The following LMF1 variants were observed in gnomAD, a reference collection of about 807,000 sequenced individuals.
LMF1 encodes transmembrane protein 112.
LMF1 carries 68 observed loss-of-function variants against 60.6 expected under a neutral mutation model. That is an observed-to-expected ratio of 1.12 (90% CI 0.92 to 1.37). The LOEUF (loss-of-function observed/expected upper bound fraction) is 1.37, where lower values mean the gene tolerates loss of function less well. LMF1 is among the 40% of genes most tolerant of loss of function. The pLI, the probability that LMF1 is intolerant of heterozygous loss-of-function variation, is 0.00. For missense variants in LMF1, 948 were observed against 767.2 expected (o/e 1.24, Z -2.78); for synonymous variants, 418 against 324.7 (o/e 1.29, Z -3.09).
At chr16:902,301 T>C (rs2070836222) in intron 4 of LMF1, 1 of 152,478 alleles carries the variant, frequency 6.6e-6, no homozygotes, top group Non-Finnish European at 1.5e-5. Context: ...TGGCCTGGCA[T>C]TCTCCCTGAC....
chr16:926,140 G>C (rs116658308), intron 3 of LMF1, among the ~76,000 whole-genome samples: 1 of 151,416 alleles, frequency 6.6e-6, no homozygotes, highest in African/African-American at 2.4e-5. Context: ...GTGTGCATGC[G>C]TGCACCTGTG....
intron 3 of LMF1, among the ~76,000 whole-genome samples, chr16:912,985 A>G (rs1323349109): frequency 6.6e-6 from 1 of 152,148 alleles, no homozygotes; most frequent in African/African-American, 2.4e-5. Flanking sequence ...GCCTGAAGCG[A>G]GCCCCAGGCA....
intron 3 of LMF1, chr16:933,519 A>G (rs779164327): frequency 1.3e-4 from 22 of 164,138 alleles, no homozygotes; most frequent in Non-Finnish European, 2.0e-4. Context: ...GCCGAGAGCC[A>G]GAGAGTTCGG....
At chr16:937,173 A>G (rs1190456044) in intron 2 of LMF1, among the ~76,000 whole-genome samples, 3 of 152,196 alleles carry the variant, frequency 2.0e-5, no homozygotes, top group Non-Finnish European at 2.9e-5. Flanking sequence ...GCTGCCTGAT[A>G]AAAGAATCTT....
At chr16:891,097 G>C (rs1026927087) in intron 5 of LMF1, among the ~76,000 whole-genome samples, 1 of 152,248 alleles carries the variant, frequency 6.6e-6, no homozygotes, top group Non-Finnish European at 1.5e-5. Flanking sequence ...ATGGGGGCGG[G>C]AGGGACCCAC....
chr16:886,388 G>C (rs2070307202), intron 5 of LMF1, among the ~76,000 whole-genome samples: 1 of 152,100 alleles, frequency 6.6e-6, no homozygotes, highest in African/African-American at 2.4e-5. Context: ...CCAGGCCCAC[G>C]GAAGGTCGGT....
At chr16:917,360 C>T (rs951749255) in intron 3 of LMF1, among the ~76,000 whole-genome samples, 3 of 105,570 alleles carry the variant, frequency 2.8e-5, no homozygotes, top group Non-Finnish European at 5.4e-5. Flanking sequence ...CGCAGGCCCA[C>T]GTGAAGAAAT....
chr16:955,203 T>C lies in LMF1; in HGVS notation c.194-537A>G, dbSNP rs571378292. Among the ~76,000 whole-genome samples the C allele has an allele frequency of 5.6e-4, 47 of 84,570 alleles. 8 individuals are homozygous for C. The highest frequency in any genetic ancestry group is 2.2e-3 in the African/African-American group (32 of 14,782). 55.5% of individuals were successfully genotyped at this position (84,570 alleles called of 152,430 possible). A position where few individuals can be genotyped will look rare whatever the true frequency, so the allele number is the denominator to read the frequency against. ...TACACACACACACATCTAAGTAAAC[T>C]AGACAAGTTACATAAAAGGCGTGCC... On this transcript the variant is annotated intron_variant, in intron 1 of 10. Transcript: ENST00000262301.
In LMF1 at chr16:911,466, G is replaced by A. The variant is rs908354917; in HGVS notation, c.515-387C>T. 5.3e-5 allele frequency among the ~76,000 whole-genome samples: 8 copies of A among 151,830 alleles called. No homozygotes were observed. The East Asian group carries it at 1.4e-3, about 26-fold the overall frequency. On this transcript the variant is annotated intron_variant, in intron 3 of 10. Coordinates refer to ENST00000262301, the MANE Select transcript of LMF1 (RefSeq NM_022773.4). The stretch of plus-strand genomic sequence containing the variant: ...CTTTTCCCCTCCCATAGGTTTGCAT[G>A]AAAACAGCTTTCACCTTCTTCCCAG...
chr16:892,759 G>A (rs558114068), intron 5 of LMF1, among the ~76,000 whole-genome samples: 24 of 152,180 alleles, frequency 1.6e-4, no homozygotes, highest in Non-Finnish European at 2.4e-4. Context: ...GAGGGTGCCC[G>A]TGCAGGAACC....
intron 2 of LMF1, among the ~76,000 whole-genome samples, chr16:937,493 T>TGACAGGCCGCTGGGGTCTCTGTTGACC (rs2071979685): frequency 6.6e-5 from 10 of 152,002 alleles, no homozygotes; most frequent in Non-Finnish European, 1.0e-4. Flanking sequence ...CTCTGTTGAC[T>TGACAGGCCGCTGGGGTCTCTGTTGACC]GACAGGCTGC....
At chr16:869,172 C>G in intron 9 of LMF1, 116 bp from the exon 10 acceptor site, 1 of 761,422 alleles carries the variant, frequency 1.3e-6, no homozygotes, top group South Asian at 1.4e-5. Flanking sequence ...AGGTGGGTTC[C>G]CTGGGCAGCC....
intron 5 of LMF1, among the ~76,000 whole-genome samples, chr16:888,730 A>G (rs767778219): frequency 3.4e-4 from 18 of 52,250 alleles, no homozygotes; most frequent in Non-Finnish European, 5.4e-4. Flanking sequence ...CCAAGGCCAG[A>G]AGCACTGGGG....
rs1231690394 is a variant in LMF1 at position 878,744 on chromosome 16, GC to G, written c.897+825del. On this transcript the variant is annotated intron_variant, in intron 6 of 10. Transcript: ENST00000262301. The surrounding 1 kb of genome is among the most constrained non-coding windows in gnomAD (Gnocchi z 5.2). ...CAGGGGTGGGCAGGGCAGGGGAAGG[GC>G]GGGGGCAGGGGCGGGCAGGGCAGGG... 2.9e-4 allele frequency among the ~76,000 whole-genome samples: 44 copies of G among 149,660 alleles called. No individual in the cohort carries two copies. In the East Asian group the frequency reaches 7.5e-3, roughly 26 times the overall value.
At chr16:963,876 T>C (rs572289591) in intron 1 of LMF1, among the ~76,000 whole-genome samples, 1 of 149,346 alleles carries the variant, frequency 6.7e-6, no homozygotes, top group African/African-American at 2.4e-5. Context: ...CCTCTACTCA[T>C]GTTATAAAAA....
rs1233430905 is a variant in LMF1 at position 954,345 on chromosome 16, C to T, written c.503+12G>A. 1 of 1,609,730 alleles carries T rather than the reference C, an allele frequency of 6.2e-7. No homozygotes were observed. The highest frequency in any genetic ancestry group is 1.7e-5 in the Admixed American group (1 of 59,770). On this transcript the variant is annotated intron_variant, in intron 2 of 10. Coordinates refer to ENST00000262301, the MANE Select transcript of LMF1 (RefSeq NM_022773.4). Reference sequence around the variant, plus strand: ...AGCCCTAAGCTCCGACCGCCCCATTCCTGCTACTCACCAGACATGGCCCAC... The same window carrying T: ...AGCCCTAAGCTCCGACCGCCCCATTTCTGCTACTCACCAGACATGGCCCAC...
At chr16:908,146 A>C (rs1321086935) in intron 4 of LMF1, among the ~76,000 whole-genome samples, 1 of 152,236 alleles carries the variant, frequency 6.6e-6, no homozygotes. Context: ...AAGCCAGCAG[A>C]GGGTGGAACC....
intron 1 of LMF1, chr16:979,336 G>A (rs1208600990): frequency 5.1e-5 from 18 of 353,584 alleles, no homozygotes; most frequent in South Asian, 2.5e-4. Flanking sequence ...CCGCCCTCCC[G>A]GGAGTGCACC....
At chr16:876,375 G>T (rs771705347) in intron 6 of LMF1, among the ~76,000 whole-genome samples, 14 of 152,224 alleles carry the variant, frequency 9.2e-5, no homozygotes, top group Non-Finnish European at 1.6e-4. Flanking sequence ...TCTGCATGAA[G>T]CTGTGATGGG....
Sources: gnomAD v4.1 joint callset for allele counts (sites outside exome capture counted in the v4.1 genomes callset) on GRCh38, gnomAD v4.1.1 for gene constraint, Gnocchi (gnomAD v3.1) non-coding constraint, MANE v1.5 for transcripts, NCBI Gene and HGNC (gene_info 2026-07-23, HGNC 2026-07-21) for gene names.